ASIC4: variants seen among roughly 807,000 people sequenced by gnomAD.
The protein encoded by ASIC4 is acid-sensing ion channel 4.
In ASIC4, 28 loss-of-function variants were observed where a neutral mutation model predicts 53.4. That is an observed-to-expected ratio of 0.52 (90% confidence interval 0.39 to 0.72). ASIC4 has a LOEUF of 0.72. Ranked by LOEUF, ASIC4 falls within the 30% of genes least tolerant of loss-of-function variation. The pLI is 0.00. For missense variants in ASIC4, 649 were observed against 729.7 expected (o/e 0.89, Z 1.27); for synonymous variants, 289 against 301.4 (o/e 0.96, Z 0.43).
chr2:219,529,459 G>A (rs1474300171), intron 1 of ASIC4, among the ~76,000 whole-genome samples: 2 of 152,196 alleles, frequency 1.3e-5, no homozygotes, highest in South Asian at 2.1e-4. Context: ...ACAGAGGAAC[G>A]ATGCAGGAGG....
At chr2:219,531,647 G>A in intron 1 of ASIC4, 111 bp from the exon 2 acceptor site, 1 of 1,248,634 alleles carries the variant, frequency 8.0e-7, no homozygotes. Flanking sequence ...TAGGATACGG[G>A]ACTGGAGTGT....
chr2:219,535,645 G>A (rs2105981134), intron 6 of ASIC4, among the ~76,000 whole-genome samples: 1 of 151,986 alleles, frequency 6.6e-6, no homozygotes, highest in Admixed American at 6.6e-5. Context: ...GTGGGTCTGT[G>A]TGCGTGTGTG....
chr2:219,514,332 G>A, upstream of ASIC4: 7 of 1,533,526 alleles, frequency 4.6e-6, no homozygotes, highest in South Asian at 1.2e-5. Flanking sequence ...CGTGGGGAGG[G>A]CTCCGGAGCA....
chr2:219,525,857 G>A (rs999260738), intron 1 of ASIC4, among the ~76,000 whole-genome samples: 1 of 152,184 alleles, frequency 6.6e-6, no homozygotes, highest in African/African-American at 2.4e-5. Flanking sequence ...CATGGGGGTG[G>A]ACCCCATCAA....
chr2:219,512,691 T>G (rs1217597638), upstream of ASIC4, among the ~76,000 whole-genome samples: 1 of 152,190 alleles, frequency 6.6e-6, no homozygotes, highest in African/African-American at 2.4e-5. Context: ...CCAATCCCAC[T>G]TTCCCTTCTG....
chr2:219,515,031 C>A lies in ASIC4; in HGVS notation c.307C>A (p.Pro103Thr). 6.2e-7 allele frequency: 1 copy of A among 1,613,636 alleles called. No individual in the cohort carries two copies. The highest frequency in any genetic ancestry group is 8.5e-7 in the Non-Finnish European group (1 of 1,179,950). Residue 103 changes from proline to threonine, a missense_variant, in exon 1 of 10, where the codon CCC becomes ACC. Transcript: ENST00000358078. ...CCGGCCTCACCTGGTGGCAATGGAC[C>A]CCGCTGCCCCAGCCCCAGTGGCGGG... ...LTRPHLVAMD[P>T]AAPAPVAGFP...
rs1694792607 is a variant in ASIC4, at chr2:219,516,532, T to A, written c.582+1226T>A. The stretch of plus-strand genomic sequence containing the variant: ...TGGCGCTCGAGATGCTTGTCCCTAG[T>A]CCACAGTTTGCTCCCAGCATTGTGT... On this transcript the variant is annotated intron_variant, in intron 1 of 9. Transcript: ENST00000358078. The surrounding 1 kb of genome is among the most constrained non-coding windows in gnomAD (Gnocchi z 4.9). Among the ~76,000 whole-genome samples the A allele has an allele frequency of 6.6e-6, 1 of 151,978 alleles. No homozygotes were observed. Among genetic ancestry groups the A allele is most frequent in the South Asian group, 2.1e-4 (1 of 4,824 alleles).
At chr2:219,531,542 T>G (rs980194316) in intron 1 of ASIC4, among the ~76,000 whole-genome samples, 1 of 152,126 alleles carries the variant, frequency 6.6e-6, no homozygotes, top group Admixed American at 6.5e-5. Context: ...GGTGTTGATG[T>G]GCTGTTGGGT....
rs1694823182 is a variant in ASIC4 at position 219,517,958 on chromosome 2, T to C, written c.582+2652T>C. 6.6e-6 allele frequency among the ~76,000 whole-genome samples: 1 copy of C among 152,236 alleles called. No homozygotes were observed. Among genetic ancestry groups the C allele is most frequent in the Admixed American group, 6.5e-5 (1 of 15,302 alleles). On this transcript the variant is annotated intron_variant, in intron 1 of 9. Coordinates refer to ENST00000358078, the MANE Select transcript of ASIC4 (RefSeq NM_018674.6). The surrounding 1 kb of genome is among the most constrained non-coding windows in gnomAD (Gnocchi z 4.2). ...GAATCCAAGTTAATAAATGTCACAT[T>C]TTCCAGCCTATTTTTACTCCGGGTA...
intron 1 of ASIC4, among the ~76,000 whole-genome samples, chr2:219,521,718 CCTCT>C (rs1694887522): frequency 9.0e-6 from 1 of 111,334 alleles, no homozygotes; most frequent in Non-Finnish European, 1.8e-5. Flanking sequence ...CCTCAGGCTG[CCTCT>C]GAGTTATAAG....
chr2:219,519,618 G>A (rs1694854998), intron 1 of ASIC4, among the ~76,000 whole-genome samples: 1 of 152,226 alleles, frequency 6.6e-6, no homozygotes, highest in African/African-American at 2.4e-5. Context: ...GTAGTCACTA[G>A]CCACATGTGG....
intron 1 of ASIC4, among the ~76,000 whole-genome samples, chr2:219,522,455 C>T (rs1174935439): frequency 2.8e-5 from 4 of 141,672 alleles, no homozygotes; most frequent in African/African-American, 1.1e-4. Context: ...CCGGTGGGGT[C>T]GGCCCCTCCC....
At position 219,538,052 on chromosome 2, in the gene ASIC4, T is replaced by C. The variant is rs778846521; in HGVS notation, c.*6T>C. Reference sequence around the variant, plus strand: ...TTGAAGATTTTGCTTGCTAGGACGGTGCTGTGACTGAAAGGACCCAGGAGT... The same window carrying C: ...TTGAAGATTTTGCTTGCTAGGACGGCGCTGTGACTGAAAGGACCCAGGAGT... On this transcript the variant is annotated 3_prime_UTR_variant, in exon 10 of 10. Coordinates refer to ENST00000358078, the MANE Select transcript of ASIC4 (RefSeq NM_018674.6). 4.4e-6 allele frequency: 7 copies of C among 1,608,080 alleles called. No individual in the cohort carries two copies. The highest frequency in any genetic ancestry group is 2.7e-5 in the African/African-American group (2 of 74,818).
chr2:219,535,044 G>T, intron 5 of ASIC4, 127 bp from the exon 6 acceptor site: 1 of 1,371,408 alleles, frequency 7.3e-7, no homozygotes, highest in South Asian at 1.4e-5. Context: ...ACTGGGGCTG[G>T]CCAGTAAAGG....
chr2:219,531,755 C>T lies in ASIC4; in HGVS notation c.583-3C>T. 2 of 1,579,478 alleles carry T rather than the reference C, an allele frequency of 1.3e-6. No homozygotes were observed. The highest frequency in any genetic ancestry group is 8.6e-7 in the Non-Finnish European group (1 of 1,162,142). The stretch of plus-strand genomic sequence containing the variant: ...CCTCCTGCTCTCTCACCCCACCTCC[C>T]AGGTCTATACTCGCTATGGGAAGTG... On this transcript the variant is annotated splice_polypyrimidine_tract_variant and splice_region_variant and intron_variant, in intron 1 of 9. Coordinates refer to ENST00000358078, the MANE Select transcript of ASIC4 (RefSeq NM_018674.6).
intron 1 of ASIC4, among the ~76,000 whole-genome samples, chr2:219,530,737 G>A (rs62191577): frequency 0.22 from 34,053 of 152,020 alleles, 3,893 homozygotes; most frequent in South Asian, 0.41. Flanking sequence ...ACAAAAGCCC[G>A]AGGAGAAAAG....
intron 4 of ASIC4, 59 bp downstream of exon 4, chr2:219,532,536 C>G (rs370004529): frequency 1.9e-6 from 3 of 1,571,856 alleles, no homozygotes; most frequent in Non-Finnish European, 2.6e-6. Context: ...CAGAGCCTCC[C>G]GGGGCAAGGC....
At position 219,531,493 on chromosome 2, in the gene ASIC4, G is replaced by C. The variant is rs112864522; in HGVS notation, c.583-265G>C. On this transcript the variant is annotated intron_variant, in intron 1 of 9. Transcript: ENST00000358078. ...TGGATATAGTGGGGTGGTTTACTAG[G>C]GTGGAGGAAAACGGTGGGGGGAAGG... Among the ~76,000 whole-genome samples the C allele has an allele frequency of 9.7e-3, 1,474 of 152,328 alleles. 10 individuals are homozygous for C. The highest frequency in any genetic ancestry group is 0.015 in the Non-Finnish European group (1,007 of 68,032).
chr2:219,537,433 C>T lies in ASIC4; in HGVS notation c.1401+112C>T. On this transcript the variant is annotated intron_variant, in intron 8 of 9. Transcript: ENST00000358078. The surrounding 1 kb of genome is among the most constrained non-coding windows in gnomAD (Gnocchi z 4.9). ...TGGCTGGAAAGTCAGGTTCAGGGTT[C>T]TCTGCCAGGGTCCCCTGACTGGCTG... The T allele has an allele frequency of 3.1e-6, 4 of 1,310,100 alleles. No homozygotes were observed. Among genetic ancestry groups the T allele is most frequent in the Non-Finnish European group, 4.3e-6 (4 of 937,990 alleles). 81.2% of individuals were successfully genotyped at this position (1,310,100 alleles called of 1,614,324 possible). A position where few individuals can be genotyped will look rare whatever the true frequency, so the allele number is the denominator to read the frequency against.
Sources: gnomAD v4.1 joint callset for allele counts (sites outside exome capture counted in the v4.1 genomes callset) on GRCh38, gnomAD v4.1.1 for gene constraint, Gnocchi (gnomAD v3.1) non-coding constraint, MANE v1.5 for transcripts, NCBI Gene and HGNC (gene_info 2026-07-23, HGNC 2026-07-21) for gene names.